Variants in INAVA observed in about 807,000 individuals in gnomAD.
INAVA encodes the protein innate immunity activator, also known as innate immunity activator protein.
A neutral mutation model predicts 55.3 loss-of-function variants in INAVA; 32 were observed. The ratio of observed to expected loss-of-function variants is 0.58; its 90% CI spans 0.44 to 0.78. The LOEUF (loss-of-function observed/expected upper bound fraction) is 0.78. Among genes scored for constraint, INAVA ranks in the 30% least tolerant of loss-of-function variants. The pLI, the probability that INAVA is intolerant of heterozygous loss-of-function variation, is 0.00. For missense variants in INAVA, 756 were observed against 786.4 expected (o/e 0.96, Z 0.46); for synonymous variants, 294 against 329.4 (o/e 0.89, Z 1.16).
At chr1:200,892,020 A>AAAAAG (rs1668248397), upstream of INAVA, among the ~76,000 whole-genome samples, 1 of 152,084 alleles carries the variant, frequency 6.6e-6, no homozygotes, top group South Asian at 2.1e-4. Flanking sequence ...GGTGGACAGG[A>AAAAAG]CAAAGGGGCT....
rs1328226851 is a variant in INAVA at position 200,901,178 on chromosome 1, G to C, written c.520+19G>C. 5 of 1,487,500 alleles carry C rather than the reference G, an allele frequency of 3.4e-6. No individual in the cohort carries two copies. The highest frequency in any genetic ancestry group is 2.8e-5 in the African/African-American group (2 of 71,930). The allele number at this position is 1,487,500 out of a possible 1,614,324, so 92.1% of individuals were successfully genotyped here. On this transcript the variant is annotated intron_variant, in intron 5 of 9. Transcript: ENST00000413687. Reference sequence around the variant, plus strand: ...GGCCGAGGTGAGCCGGCTGCCCTGAGGGGGGCCATGCTCCTTAAATGAGCT... The same window carrying C: ...GGCCGAGGTGAGCCGGCTGCCCTGACGGGGGCCATGCTCCTTAAATGAGCT...
chr1:200,891,697 G>T (rs1210049987), upstream of INAVA: 2 of 1,468,376 alleles, frequency 1.4e-6, no homozygotes, highest in Non-Finnish European at 1.8e-6. Flanking sequence ...AGCTCCATGG[G>T]ACAGGTAAGC....
At chr1:200,891,732 C>T (rs1249162250), upstream of INAVA, 7 of 1,419,192 alleles carry the variant, frequency 4.9e-6, no homozygotes, top group African/African-American at 6.0e-5. Context: ...GCACCCAGTG[C>T]GGGTGAACTG....
At chr1:200,905,102 A>AG (rs570413961) in intron 5 of INAVA, among the ~76,000 whole-genome samples, 433 of 152,268 alleles carry the variant, frequency 2.8e-3, no homozygotes, top group African/African-American at 9.7e-3. Context: ...ATTCAGTAAG[A>AG]GGGGGTCTCT....
Position 200,896,944 on chromosome 1 carries a change from CA to C in INAVA, c.-94-1362del, listed in dbSNP as rs1668365353. Among the ~76,000 whole-genome samples the C allele has an allele frequency of 9.2e-5, 14 of 152,372 alleles. No individual in the cohort carries two copies. The South Asian group carries it at 2.9e-3, about 32-fold the overall frequency. ...TGGACTCTTGCTCAATGGGCTGACT[CA>C]GTGAGGAGGTGGCTGAGCTCTCTTT... On this transcript the variant is annotated intron_variant, in intron 1 of 9. Coordinates refer to ENST00000413687, the MANE Select transcript of INAVA (RefSeq NM_001142569.3).
chr1:200,898,668 T>C (rs1165062283), intron 2 of INAVA, among the ~76,000 whole-genome samples: 2 of 152,284 alleles, frequency 1.3e-5, no homozygotes, highest in African/African-American at 4.8e-5. Flanking sequence ...TTTTCCTCCC[T>C]GGAGAAAACT....
chr1:200,898,585 A>AAGGGG, intron 2 of INAVA, 130 bp downstream of exon 2: 1 of 1,028,458 alleles, frequency 9.7e-7, no homozygotes, highest in Non-Finnish European at 1.4e-6. Context: ...GGCTGAGAGG[A>AAGGGG]AGGGGAGGGA....
At chr1:200,903,640 A>G (rs574031777) in intron 5 of INAVA, among the ~76,000 whole-genome samples, 1 of 151,278 alleles carries the variant, frequency 6.6e-6, no homozygotes, top group East Asian at 2.0e-4. Flanking sequence ...CCCCATCTCT[A>G]CTAAAAATAC....
At chr1:200,907,987 A>G in intron 6 of INAVA, 100 bp downstream of exon 6, 1 of 957,810 alleles carries the variant, frequency 1.0e-6, no homozygotes, top group Admixed American at 1.9e-5. Context: ...GTGGGAGTGA[A>G]GGCTAGGGTG....
chr1:200,911,968 G>A lies in INAVA; in HGVS notation c.1475G>A (p.Gly492Asp), dbSNP rs776253775. Residue 492 changes from glycine (G) to aspartate (D), a missense_variant, in exon 9 of 10, where the codon GGC becomes GAC. By Grantham distance (94) the Gly-to-Asp change is moderately conservative. Transcript: ENST00000413687. The part of the protein sequence containing the change: ...RTPSLKDSPA[G>D]RGLSKAAVSE... ...CCCTCCCTGAAGGACAGCCCGGCAG[G>A]CCGGGGGCTCAGCAAGGCCGCCGTG... is the stretch of plus-strand genomic sequence containing the variant. 77 of 1,534,310 alleles carry A rather than the reference G, an allele frequency of 5.0e-5. No individual in the cohort carries two copies. The highest frequency in any genetic ancestry group is 6.7e-5 in the Non-Finnish European group (77 of 1,145,240).
Position 200,911,973 on chromosome 1 carries a change from G to C in INAVA, c.1480G>C (p.Gly494Arg), listed in dbSNP as rs1325360355. The C allele has an allele frequency of 1.3e-6, 2 of 1,533,424 alleles. No homozygotes were observed. The highest frequency in any genetic ancestry group is 2.4e-5 in the South Asian group (2 of 83,172). 95.0% of individuals were successfully genotyped at this position (1,533,424 alleles called of 1,614,324 possible). The change falls in exon 9 of 10, where the codon GGG (glycine) becomes CGG (arginine). Residue 494 changes from glycine (G) to arginine (R), a missense_variant. This residue lies in a region of INAVA where 117 missense variants were observed against 162.1 expected (regional missense o/e 0.72). Transcript: ENST00000413687. ...PSLKDSPAGR[G>R]LSKAAVSEEL... Reference sequence around the variant, plus strand: ...CCTGAAGGACAGCCCGGCAGGCCGGGGGCTCAGCAAGGCCGCCGTGTCCGA... The same window carrying C: ...CCTGAAGGACAGCCCGGCAGGCCGGCGGCTCAGCAAGGCCGCCGTGTCCGA...
In INAVA at chr1:200,907,294, G is replaced by A. The variant is rs150904492; in HGVS notation, c.521-540G>A. 4.1e-3 allele frequency among the ~76,000 whole-genome samples: 631 copies of A among 152,236 alleles called. 7 individuals carry two copies. Among genetic ancestry groups the A allele is most frequent in the African/African-American group, 0.013 (551 of 41,524 alleles). ...TCAAGGTTGCATAGCTAGTATCAGA[G>A]TCAGGATTAAAATCAGGTTTCCTGT... is the stretch of plus-strand genomic sequence containing the variant. On this transcript the variant is annotated intron_variant, in intron 5 of 9. Transcript: ENST00000413687.
Position 200,911,469 on chromosome 1 carries a change from G to A in INAVA, c.976G>A (p.Ala326Thr), listed in dbSNP as rs765984100. 2 of 1,612,560 alleles carry A rather than the reference G, an allele frequency of 1.2e-6. No individual in the cohort carries two copies. The highest frequency in any genetic ancestry group is 1.1e-5 in the South Asian group (1 of 90,928). Residue 326 changes from alanine (A) to threonine (T), a missense_variant, in exon 9 of 10, where the codon GCG becomes ACG. Ala to Thr is a moderately conservative substitution (Grantham distance 58). Transcript: ENST00000413687. ...CCTCTTCAGGGTGGATTCCTTCCGGGCGGGTCCTGAGGGCCGAGGTCGCAG... is the reference window on the plus strand; with the variant it reads ...CCTCTTCAGGGTGGATTCCTTCCGGACGGGTCCTGAGGGCCGAGGTCGCAG... ...SQSLRVDSFR[A>T]GPEGRGRSAF...
intron 8 of INAVA, 83 bp downstream of exon 8, chr1:200,909,480 G>A: frequency 7.8e-6 from 10 of 1,283,930 alleles, no homozygotes; most frequent in Admixed American, 3.0e-5. Context: ...ACACAGGTGG[G>A]ACAACCCTGG....
intron 5 of INAVA, among the ~76,000 whole-genome samples, chr1:200,902,088 G>A (rs3767494): frequency 0.049 from 7,498 of 152,204 alleles, 273 homozygotes; most frequent in East Asian, 0.15. Flanking sequence ...TGCCTCAGAG[G>A]GAACCGGGAG....
At chr1:200,904,198 C>T (rs1440730756) in intron 5 of INAVA, among the ~76,000 whole-genome samples, 2 of 152,012 alleles carry the variant, frequency 1.3e-5, no homozygotes, top group African/African-American at 4.8e-5. Context: ...AAGCGATTCT[C>T]CTGCCTCAGC....
intron 9 of INAVA, among the ~76,000 whole-genome samples, chr1:200,912,903 G>C (rs558559492): frequency 1.3e-5 from 2 of 152,162 alleles, no homozygotes; most frequent in African/African-American, 4.8e-5. Flanking sequence ...AGAGCACCCT[G>C]ACACTGGGTA....
chr1:200,897,834 C>T (rs1176508745), intron 1 of INAVA, among the ~76,000 whole-genome samples: 1 of 152,126 alleles, frequency 6.6e-6, no homozygotes, highest in East Asian at 1.9e-4. Flanking sequence ...GTTGTCCAGG[C>T]TGGTCTTGAA....
chr1:200,912,547 G>C (rs1653797554), intron 9 of INAVA, among the ~76,000 whole-genome samples: 1 of 152,176 alleles, frequency 6.6e-6, no homozygotes, highest in Non-Finnish European at 1.5e-5. Context: ...GCAGAAGCCA[G>C]AACCTGTGAT....
Sources: allele counts gnomAD v4.1 joint callset (sites outside exome capture counted in the v4.1 genomes callset), GRCh38; gene constraint gnomAD v4.1.1; regional missense constraint gnomAD v4.1.1; transcripts MANE v1.5; gene names NCBI Gene and HGNC (gene_info 2026-07-23, HGNC 2026-07-21).